Variants in AMPD3 observed in about 807,000 individuals in gnomAD.
AMPD3 encodes AMP deaminase 3.
Under a neutral mutation model 82.3 loss-of-function variants are expected in AMPD3, and 57 were observed. The ratio of observed to expected loss-of-function variants is 0.69; its 90% CI spans 0.56 to 0.86. The LOEUF (loss-of-function observed/expected upper bound fraction) is 0.86. Ranked by LOEUF, AMPD3 falls within the 40% of genes least tolerant of loss-of-function variation. The probability of loss-of-function intolerance (pLI) is 0.00; values close to 1 mark genes in which losing one functional copy is unlikely to be tolerated. For missense variants in AMPD3, 870 were observed against 1,003.8 expected, an observed-to-expected ratio of 0.87 and a Z score of 1.80; for synonymous variants, 381 against 394.7, an observed-to-expected ratio of 0.97 and a Z score of 0.41.
At position 10,496,905 on chromosome 11, in the gene AMPD3, A is replaced by T; in HGVS notation, c.1524A>T (p.Gln508His). ...LPLFKATINP[Q>H]DHRELHLFLK... ...TTTTCAAGGCCACTATCAACCCCCA[A>T]GATCATCGAGAGCTTCACCTCTTCC... is the stretch of plus-strand genomic sequence containing the variant. The change falls in exon 10 of 15, where the codon CAA becomes CAT. Residue 508 changes from glutamine (Q) to histidine (H), a missense_variant. Physicochemically the swap from Gln to His is conservative, Grantham distance 24. Coordinates refer to ENST00000396553, the MANE Select transcript of AMPD3 (RefSeq NM_001025389.2). 6.2e-7 allele frequency: 1 copy of T among 1,614,132 alleles called. No individual in the cohort carries two copies. The highest frequency in any genetic ancestry group is 8.5e-7 in the Non-Finnish European group (1 of 1,179,990).
Position 10,488,028 on chromosome 11 carries a change from C to T in AMPD3, c.939+664C>T, listed in dbSNP as rs999103342. ...ATTCCCTGAAAAAAAAAAAAGATCT[C>T]TCTGGAGATGGGAGTTTGTGGTTTT... is the stretch of plus-strand genomic sequence containing the variant. On this transcript the variant is annotated intron_variant, in intron 6 of 14. Transcript: ENST00000396553. Among the ~76,000 whole-genome samples, 9 of 152,038 alleles carry T rather than the reference C, an allele frequency of 5.9e-5. 1 individual carries two copies. Among genetic ancestry groups the T allele is most frequent in the Admixed American group, 2.0e-4 (3 of 15,270 alleles).
At chr11:10,455,580 C>T (rs899010) in intron 1 of AMPD3, 132 bp downstream of exon 1, 203,367 of 375,028 alleles carry the variant, frequency 0.54, 57,090 homozygotes, top group East Asian at 0.69. Context: ...TGTGGGCTTC[C>T]TTCTGGGAAG....
intron 14 of AMPD3, chr11:10,505,320 C>T (rs751938344): frequency 3.3e-5 from 33 of 985,254 alleles, no homozygotes; most frequent in East Asian, 1.1e-4. Flanking sequence ...TCTTTTCATG[C>T]GCAGTGTGGT....
rs1319665297 is a variant in AMPD3 at position 10,456,744 on chromosome 11, G to C, written c.-6+1296G>C. On this transcript the variant is annotated intron_variant, in intron 1 of 14. Transcript: ENST00000396553. The surrounding 1 kb of genome is among the most constrained non-coding windows in gnomAD (Gnocchi z 4.3). Reference sequence around the variant, plus strand: ...GCAGCTGGAGCTGAAGCTCTGCTTGGCATCTGCAGAGTGAGCTTTCCTTGT... The same window carrying C: ...GCAGCTGGAGCTGAAGCTCTGCTTGCCATCTGCAGAGTGAGCTTTCCTTGT... 1 of 429,186 alleles carries C rather than the reference G, an allele frequency of 2.3e-6. No homozygotes were observed. The allele number at this position is 429,186 out of a possible 1,614,324, so 26.6% of individuals were successfully genotyped here.
intron 13 of AMPD3, chr11:10,504,140 A>G (rs1849652068): frequency 1.2e-6 from 1 of 854,682 alleles, no homozygotes; most frequent in Non-Finnish European, 1.4e-6. Context: ...CTATCTATCT[A>G]TCTATCTATT....
At position 10,495,632 on chromosome 11, in the gene AMPD3, C is replaced by T. The variant is rs748994397; in HGVS notation, c.1329C>T (p.Tyr443=). 22 of 1,613,846 alleles carry T rather than the reference C, an allele frequency of 1.4e-5. No homozygotes were observed. The highest frequency in any genetic ancestry group is 6.7e-5 in the African/African-American group (5 of 74,914). The change falls in exon 9 of 15, where the codon TAC becomes TAT. Residue 443 remains tyrosine (Y), a synonymous_variant. Coordinates refer to ENST00000396553, the MANE Select transcript of AMPD3 (RefSeq NM_001025389.2). ...ACTCAGAGCCACGGCTCTCCATCTA[C>T]GGCCGCAGTCCTGAGGAGTGGCCCA... is the stretch of plus-strand genomic sequence containing the variant. ...YQYSEPRLSI[Y]GRSPEEWPNL...
chr11:10,490,831 T>A (rs1200369294), intron 6 of AMPD3, among the ~76,000 whole-genome samples: 4 of 152,158 alleles, frequency 2.6e-5, no homozygotes, highest in Non-Finnish European at 5.9e-5. Context: ...CCTTCTTTTG[T>A]GCATCCCACG....
intron 3 of AMPD3, among the ~76,000 whole-genome samples, chr11:10,480,401 C>T (rs916297709): frequency 6.6e-5 from 10 of 150,744 alleles, no homozygotes; most frequent in Non-Finnish European, 1.3e-4. Flanking sequence ...CTATTCCTGC[C>T]GCTCTCAGAA....
chr11:10,479,760 T>C lies in AMPD3; in HGVS notation c.426+1030T>C, dbSNP rs906276284. On this transcript the variant is annotated intron_variant, in intron 3 of 14. Transcript: ENST00000396553. The stretch of plus-strand genomic sequence containing the variant: ...GCATCTTGCATTTTCCACTTAACAA[T>C]ACATCTTAAAGATAATGCCATATCA... 2.7e-5 allele frequency: 9 copies of C among 330,364 alleles called. No individual in the cohort carries two copies. In the Admixed American group the frequency reaches 3.9e-4, roughly 14 times the overall value. The allele number at this position is 330,364 out of a possible 1,614,324, so 20.5% of individuals were successfully genotyped here.
chr11:10,475,389 G>A (rs760395364), intron 2 of AMPD3, among the ~76,000 whole-genome samples: 14 of 152,050 alleles, frequency 9.2e-5, no homozygotes, highest in Non-Finnish European at 1.9e-4. Flanking sequence ...TGAGATTTGG[G>A]CAGAGACATG....
chr11:10,497,040 C>A, intron 10 of AMPD3, 102 bp downstream of exon 10: 3 of 1,440,572 alleles, frequency 2.1e-6, no homozygotes, highest in Non-Finnish European at 2.9e-6. Flanking sequence ...ACGATGGTAT[C>A]TTAGGTCCTG....
At chr11:10,468,246 C>A (rs994391042) in intron 2 of AMPD3, among the ~76,000 whole-genome samples, 3 of 151,768 alleles carry the variant, frequency 2.0e-5, no homozygotes, top group Admixed American at 6.6e-5. Flanking sequence ...AGTCAAGACC[C>A]AACAGTGTGC....
intron 2 of AMPD3, among the ~76,000 whole-genome samples, chr11:10,472,940 G>T (rs61891382): frequency 6.6e-6 from 1 of 152,000 alleles, no homozygotes; most frequent in Admixed American, 6.6e-5. Context: ...AGAGTCAAAG[G>T]TTTCAGAAAG....
intron 6 of AMPD3, among the ~76,000 whole-genome samples, chr11:10,488,957 T>C (rs1307850240): frequency 6.6e-6 from 1 of 152,106 alleles, no homozygotes; most frequent in Non-Finnish European, 1.5e-5. Flanking sequence ...ACCACTTCTG[T>C]TACACGCCAG....
At chr11:10,460,392 C>CTCACACA (rs1848232721) in intron 1 of AMPD3, among the ~76,000 whole-genome samples, 1 of 148,396 alleles carries the variant, frequency 6.7e-6, no homozygotes, top group South Asian at 2.2e-4. Context: ...AGCCACCACA[C>CTCACACA]CCGGCCCCAG....
chr11:10,474,633 C>G (rs1357679119), intron 2 of AMPD3, among the ~76,000 whole-genome samples: 1 of 152,224 alleles, frequency 6.6e-6, no homozygotes, highest in African/African-American at 2.4e-5. Flanking sequence ...ACCTGATCAA[C>G]TCTTTGTCTT....
rs1174717156 is a variant in AMPD3, at chr11:10,458,686, A to G, written c.-5-2829A>G. On this transcript the variant is annotated intron_variant, in intron 1 of 14. Coordinates refer to ENST00000396553, the MANE Select transcript of AMPD3 (RefSeq NM_001025389.2). ...ATAATCATAATTCTGATTACTTAAC[A>G]TCTTTTTCAAGTGAGTATGCTCTAA... 3.9e-5 allele frequency among the ~76,000 whole-genome samples: 6 copies of G among 152,184 alleles called. No individual in the cohort carries two copies. The East Asian group carries it at 9.6e-4, about 24-fold the overall frequency.
At chr11:10,459,129 A>G (rs368770638) in intron 1 of AMPD3, among the ~76,000 whole-genome samples, 12 of 152,230 alleles carry the variant, frequency 7.9e-5, no homozygotes, top group African/African-American at 2.4e-4. Context: ...TGCAGAGGCC[A>G]GGCCTCGCTG....
intron 2 of AMPD3, among the ~76,000 whole-genome samples, chr11:10,465,550 G>A (rs1031058883): frequency 7.2e-5 from 11 of 152,232 alleles, no homozygotes; most frequent in South Asian, 2.1e-4. Flanking sequence ...GACAGCGGGT[G>A]CAGCCCAAGG....
Sources: gnomAD v4.1 joint callset for allele counts (sites outside exome capture counted in the v4.1 genomes callset) on GRCh38, gnomAD v4.1.1 for gene constraint, Gnocchi (gnomAD v3.1) non-coding constraint, MANE v1.5 for transcripts, NCBI Gene and HGNC (gene_info 2026-07-23, HGNC 2026-07-21) for gene names.